Variants in CDH12 observed in about 807,000 individuals in gnomAD.
CDH12 encodes the protein cadherin 12.
A neutral mutation model predicts 74.1 loss-of-function variants in CDH12; 41 were observed. The observed-to-expected ratio is 0.55, with a 90% CI of 0.43 to 0.72. The LOEUF (loss-of-function observed/expected upper bound fraction) is 0.72. CDH12 is among the 30% of genes least tolerant of loss of function. The pLI, the probability that CDH12 is intolerant of heterozygous loss-of-function variation, is 0.00. For missense variants in CDH12, 945 were observed against 977.2 expected (o/e 0.97, Z 0.44); for synonymous variants, 399 against 355.0 (o/e 1.12, Z -1.39).
At chr5:21,830,995 A>G (rs1236311491) in intron 8 of CDH12, among the ~76,000 whole-genome samples, 1 of 151,966 alleles carries the variant, frequency 6.6e-6, no homozygotes, top group South Asian at 2.1e-4. Context: ...TCGAGATGGC[A>G]CCACTGCACT....
chr5:22,539,103 G>C (rs1737986455), intron 1 of CDH12, among the ~76,000 whole-genome samples: 2 of 152,208 alleles, frequency 1.3e-5, no homozygotes, highest in Admixed American at 1.3e-4. Context: ...GATCTAAACA[G>C]TTATAAGAAG....
intron 6 of CDH12, among the ~76,000 whole-genome samples, chr5:21,936,282 A>G (rs1439154326): frequency 6.6e-6 from 1 of 152,198 alleles, no homozygotes; most frequent in Non-Finnish European, 1.5e-5. Flanking sequence ...GATAAAAGCC[A>G]TTTTAACTGG....
intron 1 of CDH12, among the ~76,000 whole-genome samples, chr5:22,603,182 C>T (rs1456895710): frequency 1.3e-5 from 2 of 151,742 alleles, no homozygotes; most frequent in Non-Finnish European, 2.9e-5. Flanking sequence ...ATACAGAAAA[C>T]CATAAATCTC....
chr5:22,844,348 A>G (rs534709333), intron 1 of CDH12, among the ~76,000 whole-genome samples: 1 of 152,122 alleles, frequency 6.6e-6, no homozygotes, highest in East Asian at 1.9e-4. Context: ...AACTTAGCAC[A>G]CTCCAAATCA....
At chr5:22,641,545 T>C (rs916723669) in intron 1 of CDH12, among the ~76,000 whole-genome samples, 7 of 152,022 alleles carry the variant, frequency 4.6e-5, no homozygotes, top group Non-Finnish European at 1.0e-4. Flanking sequence ...ACCGGTTCGC[T>C]AGCTATTCCT....
intron 1 of CDH12, among the ~76,000 whole-genome samples, chr5:22,578,757 G>T (rs1273924964): frequency 1.3e-5 from 2 of 151,234 alleles, no homozygotes; most frequent in Admixed American, 1.3e-4. Context: ...AGGGTAACAG[G>T]GGTAAAAATA....
rs553546419 is a variant in CDH12, at chr5:21,912,310, C to CT, written c.527-57521dup. ...AATGGACTGGAAAATTGTTAAGCAA[C>CT]TTTTTTTTTTTTTCCAAGGGACTTA... On this transcript the variant is annotated intron_variant, in intron 6 of 14. Transcript: ENST00000382254. 7.4e-3 allele frequency among the ~76,000 whole-genome samples: 1,074 copies of CT among 144,952 alleles called. 9 individuals are homozygous for CT. The highest frequency in any genetic ancestry group is 0.02 in the African/African-American group (794 of 39,894).
At chr5:22,062,102 G>A (rs903630872) in intron 5 of CDH12, among the ~76,000 whole-genome samples, 11 of 152,030 alleles carry the variant, frequency 7.2e-5, no homozygotes, top group African/African-American at 1.7e-4. Context: ...AGTGTTCTTC[G>A]TTACTTTTGA....
At chr5:22,721,765 T>C (rs1580926467) in intron 1 of CDH12, among the ~76,000 whole-genome samples, 1 of 152,116 alleles carries the variant, frequency 6.6e-6, no homozygotes. Context: ...GGGCAGCTTT[T>C]TCCAATGCTG....
intron 1 of CDH12, among the ~76,000 whole-genome samples, chr5:22,587,927 G>A (rs1486098492): frequency 6.9e-6 from 1 of 145,740 alleles, no homozygotes; most frequent in Non-Finnish European, 1.5e-5. Context: ...AATATATATA[G>A]ATTTATATAT....
At chr5:21,758,148 A>T (rs967130060) in intron 13 of CDH12, among the ~76,000 whole-genome samples, 2 of 152,178 alleles carry the variant, frequency 1.3e-5, no homozygotes, top group Admixed American at 1.3e-4. Flanking sequence ...AGTTTGTCTT[A>T]GACAGACCTA....
At chr5:22,056,420 C>A (rs937476828) in intron 5 of CDH12, among the ~76,000 whole-genome samples, 5 of 152,058 alleles carry the variant, frequency 3.3e-5, no homozygotes, top group Non-Finnish European at 7.4e-5. Context: ...CAATTATATT[C>A]TACTATTGTT....
intron 2 of CDH12, among the ~76,000 whole-genome samples, chr5:22,453,493 C>A (rs1423528911): frequency 6.6e-6 from 1 of 151,994 alleles, no homozygotes; most frequent in African/African-American, 2.4e-5. Context: ...CACAGAATGA[C>A]AAATACCACA....
chr5:22,781,915 C>T (rs1235130603), intron 1 of CDH12, among the ~76,000 whole-genome samples: 1 of 152,136 alleles, frequency 6.6e-6, no homozygotes, highest in Non-Finnish European at 1.5e-5. Flanking sequence ...AAGAAGATCA[C>T]TTTGGAACTT....
At chr5:22,633,127 A>T (rs750395446) in intron 1 of CDH12, among the ~76,000 whole-genome samples, 53 of 152,288 alleles carry the variant, frequency 3.5e-4, no homozygotes, top group Non-Finnish European at 1.0e-4. Flanking sequence ...AATAAAAAAC[A>T]AATTAAGAAA....
At chr5:22,649,947 C>T (rs1561551586) in intron 1 of CDH12, among the ~76,000 whole-genome samples, 1 of 151,862 alleles carries the variant, frequency 6.6e-6, no homozygotes. Flanking sequence ...TATATGCTTA[C>T]ACATTCATTT....
At chr5:21,931,453 C>G (rs950960461) in intron 6 of CDH12, among the ~76,000 whole-genome samples, 1 of 152,094 alleles carries the variant, frequency 6.6e-6, no homozygotes, top group Non-Finnish European at 1.5e-5. Context: ...GTTAAGGTAG[C>G]ATGAACTAAT....
chr5:22,529,710 T>C (rs890788230), intron 1 of CDH12, among the ~76,000 whole-genome samples: 7 of 152,172 alleles, frequency 4.6e-5, no homozygotes, highest in Non-Finnish European at 1.0e-4. Flanking sequence ...ACACATACAA[T>C]TGACCATCAC....
chr5:21,930,897 G>A (rs1754806173), intron 6 of CDH12, among the ~76,000 whole-genome samples: 1 of 152,088 alleles, frequency 6.6e-6, no homozygotes, highest in Non-Finnish European at 1.5e-5. Flanking sequence ...GCTGTATTTA[G>A]TATTCTAGAC....
Sources: allele counts gnomAD v4.1 joint callset (sites outside exome capture counted in the v4.1 genomes callset), GRCh38; gene constraint gnomAD v4.1.1; transcripts MANE v1.5; gene names NCBI Gene and HGNC (gene_info 2026-07-23, HGNC 2026-07-21).